Variants in BRWD3 observed in about 807,000 individuals in gnomAD.
BRWD3 encodes bromodomain and WD repeat-containing protein 3.
BRWD3 carries 10 observed loss-of-function variants against 149.7 expected under a neutral mutation model. The observed-to-expected ratio is 0.07, with a 90% CI of 0.04 to 0.11. The LOEUF (loss-of-function observed/expected upper bound fraction) is 0.11. Ranked by LOEUF, BRWD3 falls within the 10% of genes least tolerant of loss-of-function variation. The pLI is 1.00. For synonymous variants in BRWD3, 504 were observed against 456.7 expected, an observed-to-expected ratio of 1.10 and a Z score of -1.32; for missense variants, 940 against 1,373.2, an observed-to-expected ratio of 0.68 and a Z score of 4.99.
chrX:80,777,014 T>A (rs1008759365), intron 6 of BRWD3, among the ~76,000 whole-genome samples: 3 of 110,501 alleles, frequency 2.7e-5, no homozygotes, highest in Non-Finnish European at 5.7e-5. Flanking sequence ...CATAAATACA[T>A]CTGATTTTCT....
At position 80,759,984 on chromosome X, in the gene BRWD3, C is replaced by T. The variant is rs746827375; in HGVS notation, c.431-14255G>A. On this transcript the variant is annotated intron_variant, in intron 6 of 40. Coordinates refer to ENST00000373275, the MANE Select transcript of BRWD3 (RefSeq NM_153252.5). ...ATGCACTTAACATGCACTGCTAATC[C>T]TCACCTTCCAATTAAATCTATTTGT... 2.5e-4 allele frequency among the ~76,000 whole-genome samples: 28 copies of T among 111,707 alleles called. No individual in the cohort carries two copies. In the East Asian group the frequency reaches 7.3e-3, roughly 29 times the overall value.
chrX:80,706,430 C>T (rs1318162319), intron 22 of BRWD3, among the ~76,000 whole-genome samples: 1 of 111,536 alleles, frequency 9.0e-6, no homozygotes, highest in Non-Finnish European at 1.9e-5. Context: ...TATATCCTTA[C>T]TCTATAAGGT....
intron 24 of BRWD3, among the ~76,000 whole-genome samples, chrX:80,702,271 C>T (rs973003696): frequency 8.9e-5 from 10 of 112,372 alleles, no homozygotes; most frequent in Non-Finnish European, 1.9e-4. Flanking sequence ...ACCTCATACA[C>T]ATTAGTCTTG....
rs1054209013 is a variant in BRWD3 at position 80,685,352 on chromosome X, G to A, written c.4080+110C>T. 4.5e-6 allele frequency: 3 copies of A among 663,180 alleles called. No homozygotes were observed. In the African/African-American group the frequency reaches 6.7e-5, roughly 15 times the overall value. The allele number at this position is 663,180 out of a possible 1,213,427, so 54.7% of individuals were successfully genotyped here. The stretch of plus-strand genomic sequence containing the variant: ...CAAAAAATCAAACAAAGGTAAAAAG[G>A]GGAGCAGAGTTAGAAGGCAGTCCTT... On this transcript the variant is annotated intron_variant, in intron 36 of 40. Transcript: ENST00000373275.
rs749385223 is a variant in BRWD3, at chrX:80,728,129, C to A, written c.1386+623G>T. On this transcript the variant is annotated intron_variant, in intron 14 of 40. Transcript: ENST00000373275. ...GTGTAATCACATGGCAACCATTTGGCATTCTCTCCTTAAAATGCTTATGAA... is the reference window on the plus strand; with the variant it reads ...GTGTAATCACATGGCAACCATTTGGAATTCTCTCCTTAAAATGCTTATGAA... Among the ~76,000 whole-genome samples, 10 of 111,671 alleles carry A rather than the reference C, an allele frequency of 9.0e-5. 1 individual carries two copies. The highest frequency in any genetic ancestry group is 1.5e-4 in the Non-Finnish European group (8 of 52,964).
At chrX:80,775,495 T>C (rs1404430368) in intron 6 of BRWD3, among the ~76,000 whole-genome samples, 2 of 112,029 alleles carry the variant, frequency 1.8e-5, no homozygotes, top group South Asian at 3.6e-4. Context: ...TACAAACCTA[T>C]GATTGTAAAC....
chrX:80,763,401 A>T (rs975841702), intron 6 of BRWD3, among the ~76,000 whole-genome samples: 4 of 111,823 alleles, frequency 3.6e-5, no homozygotes, highest in Non-Finnish European at 7.5e-5. Context: ...TGACTACAAC[A>T]GATTTCATCC....
chrX:80,689,692 C>T (rs1482021784), intron 33 of BRWD3, 76 bp downstream of exon 33: 2 of 930,345 alleles, frequency 2.1e-6, no homozygotes, highest in Non-Finnish European at 3.1e-6. Flanking sequence ...TGGCCAATTA[C>T]AACATTTACA....
intron 14 of BRWD3, 22 bp from the exon 15 acceptor site, chrX:80,725,089 A>C: frequency 8.3e-7 from 1 of 1,202,505 alleles, no homozygotes; most frequent in Non-Finnish European, 1.1e-6. Context: ...ATCAGTATTA[A>C]CAATGAAAGC....
chrX:80,775,085 T>C (rs2073986403), intron 6 of BRWD3, among the ~76,000 whole-genome samples: 1 of 112,355 alleles, frequency 8.9e-6, no homozygotes, highest in Admixed American at 9.5e-5. Flanking sequence ...TAACCCACCA[T>C]CTTTTTGTAC....
rs1038883551 is a variant in BRWD3 at position 80,716,178 on chromosome X, C to T, written c.2304G>A (p.Lys768=). The T allele has an allele frequency of 1.7e-6, 2 of 1,207,220 alleles. No homozygotes were observed. Among genetic ancestry groups the T allele is most frequent in the Non-Finnish European group, 2.2e-6 (2 of 891,962 alleles). Residue 768 remains lysine (K), a synonymous_variant, in exon 20 of 41, where the codon AAG becomes AAA. Transcript: ENST00000373275. The part of the protein sequence containing the change: ...ISLYTVEKKK[K]PSYTTQRNDY... ...TTACCCTTTGAGTAGTGTAAGATGG[C>T]TTTTTCTTCTTTTCAACTGTATAAA... is the stretch of plus-strand genomic sequence containing the variant.
At chrX:80,764,799 A>G (rs1195740659) in intron 6 of BRWD3, among the ~76,000 whole-genome samples, 2 of 111,731 alleles carry the variant, frequency 1.8e-5, no homozygotes, top group Non-Finnish European at 3.8e-5. Flanking sequence ...TCTAGAATAC[A>G]TGAAAAACTC....
chrX:80,805,792 G>A lies in BRWD3; in HGVS notation c.180+2747C>T, dbSNP rs1299000262. Among the ~76,000 whole-genome samples, 3 of 111,076 alleles carry A rather than the reference G, an allele frequency of 2.7e-5. No individual in the cohort carries two copies. The Admixed American group carries it at 2.9e-4, about 11-fold the overall frequency. ...CTACTAAAAAATACAAAAATTAGCT[G>A]GGCGTGGTGGCGCGTGCCTGTAGTC... On this transcript the variant is annotated intron_variant, in intron 4 of 40. Transcript: ENST00000373275.
intron 27 of BRWD3, 42 bp downstream of exon 27, chrX:80,695,866 T>C: frequency 9.4e-7 from 1 of 1,064,049 alleles, no homozygotes; most frequent in Non-Finnish European, 1.3e-6. Context: ...TTACTTACTG[T>C]ACATAAGCTT....
chrX:80,777,551 C>G (rs1046711722), intron 6 of BRWD3, among the ~76,000 whole-genome samples: 1 of 110,189 alleles, frequency 9.1e-6, no homozygotes, highest in African/African-American at 3.3e-5. Flanking sequence ...CAGCACCACA[C>G]CTGGCTAATT....
At chrX:80,720,854 G>C (rs1175547581) in intron 17 of BRWD3, among the ~76,000 whole-genome samples, 1 of 111,470 alleles carries the variant, frequency 9.0e-6, no homozygotes, top group Non-Finnish European at 1.9e-5. Context: ...TTTCTGTCTA[G>C]ATATGCTTAG....
intron 20 of BRWD3, among the ~76,000 whole-genome samples, chrX:80,713,104 C>T (rs1219774799): frequency 4.9e-5 from 5 of 102,516 alleles, no homozygotes; most frequent in South Asian, 9.3e-4. Context: ...CCGCCCCGTC[C>T]GGGAGGTGAG....
At chrX:80,796,680 T>C (rs912153608) in intron 4 of BRWD3, among the ~76,000 whole-genome samples, 2 of 112,020 alleles carry the variant, frequency 1.8e-5, no homozygotes, top group East Asian at 5.6e-4. Flanking sequence ...GCAACTGTCA[T>C]GATGCTCCGG....
intron 6 of BRWD3, among the ~76,000 whole-genome samples, chrX:80,787,875 G>A (rs1363132129): frequency 9.1e-6 from 1 of 109,786 alleles, no homozygotes; most frequent in Non-Finnish European, 1.9e-5. Flanking sequence ...ATGAGGTCAG[G>A]AGATCGAGAC....
Sources: gnomAD v4.1 joint callset for allele counts (sites outside exome capture counted in the v4.1 genomes callset) on GRCh38, gnomAD v4.1.1 for gene constraint, MANE v1.5 for transcripts, NCBI Gene and HGNC (gene_info 2026-07-23, HGNC 2026-07-21) for gene names.